Variants in CMYA5 observed in about 807,000 individuals in gnomAD.
The protein encoded by CMYA5 is cardiomyopathy-associated protein 5.
CMYA5 carries 246 observed loss-of-function variants against 318.9 expected under a neutral mutation model. That is an observed-to-expected ratio of 0.77 (90% CI 0.70 to 0.86). CMYA5 has a LOEUF of 0.86. Among genes scored for constraint, CMYA5 ranks in the 40% least tolerant of loss-of-function variants. The probability of loss-of-function intolerance (pLI) is 0.00; values close to 1 mark genes in which losing one functional copy is unlikely to be tolerated. For synonymous variants in CMYA5, 1,641 were observed against 1,729.5 expected (o/e 0.95, Z 1.27); for missense variants, 4,589 against 4,678.2 (o/e 0.98, Z 0.56).
chr5:79,708,700 G>A (rs1306692543), intron 1 of CMYA5, among the ~76,000 whole-genome samples: 1 of 151,936 alleles, frequency 6.6e-6, no homozygotes, highest in East Asian at 1.9e-4. Flanking sequence ...AGCCCTTTGG[G>A]CGGTTGAGGT....
chr5:79,693,761 G>C (rs1435769965), intron 1 of CMYA5, among the ~76,000 whole-genome samples: 1 of 152,222 alleles, frequency 6.6e-6, no homozygotes, highest in Non-Finnish European at 1.5e-5. Flanking sequence ...ATGTGCCAGA[G>C]ACTTCCTAGG....
rs1026383206 is a variant in CMYA5 at position 79,743,967 on chromosome 5, T to G, written c.10734+45T>G. The stretch of plus-strand genomic sequence containing the variant: ...TTACCTTAACCTGGCTTGTTCACAG[T>G]ATCAGAAGTAAATGATTCTGAGGTG... On this transcript the variant is annotated intron_variant, in intron 3 of 12. Coordinates refer to ENST00000446378, the MANE Select transcript of CMYA5 (RefSeq NM_153610.5). The G allele has an allele frequency of 2.6e-5, 25 of 957,780 alleles. No homozygotes were observed. In the East Asian group the frequency reaches 6.7e-4, roughly 26 times the overall value. 59.3% of individuals were successfully genotyped at this position (957,780 alleles called of 1,614,324 possible). A position where few individuals can be genotyped will look rare whatever the true frequency, so the allele number is the denominator to read the frequency against.
chr5:79,723,274 A>G (rs1450549423), intron 1 of CMYA5, among the ~76,000 whole-genome samples: 2 of 151,944 alleles, frequency 1.3e-5, no homozygotes, highest in Admixed American at 1.3e-4. Flanking sequence ...CCTCATCTCT[A>G]CTAAAAATAC....
Position 79,735,675 on chromosome 5 carries a change from A to G in CMYA5, c.6910A>G (p.Asn2304Asp). 1 of 1,611,412 alleles carries G rather than the reference A, an allele frequency of 6.2e-7. No individual in the cohort carries two copies. Among genetic ancestry groups the G allele is most frequent in the Non-Finnish European group, 8.5e-7 (1 of 1,179,276 alleles). The change falls in exon 2 of 13, where the codon AAC becomes GAC. Residue 2304 changes from asparagine (N) to aspartate (D), a missense_variant. Physicochemically the swap from Asn to Asp is conservative, Grantham distance 23 (BLOSUM62 1). This residue lies in a region of CMYA5 where 2,431 missense variants were observed against 2,495.1 expected (regional missense o/e 0.97). Transcript: ENST00000446378. ...ISGDSEEMNI[N>D]SVVTSADGEN... is the part of the protein sequence containing the mutation. ...AGGCGATTCAGAGGAAATGAACATA[A>G]ACTCAGTAGTTACTTCTGCTGATGG...
intron 1 of CMYA5, among the ~76,000 whole-genome samples, chr5:79,727,088 G>C (rs1827765322): frequency 6.6e-6 from 1 of 151,708 alleles, no homozygotes; most frequent in Admixed American, 6.6e-5. Flanking sequence ...GCTAATTTTT[G>C]TATTTTTCGT....
chr5:79,726,039 GA>G (rs1827741241), intron 1 of CMYA5, among the ~76,000 whole-genome samples: 1 of 152,240 alleles, frequency 6.6e-6, no homozygotes, highest in African/African-American at 2.4e-5. Flanking sequence ...TGAACTCAAT[GA>G]AAGTTTATTA....
At chr5:79,752,257 G>A (rs56698370) in intron 5 of CMYA5, among the ~76,000 whole-genome samples, 16,528 of 152,188 alleles carry the variant, frequency 0.11, 1,291 homozygotes, top group East Asian at 0.37. Context: ...AAGGACATCT[G>A]CAGTGTGTAA....
intron 4 of CMYA5, among the ~76,000 whole-genome samples, chr5:79,745,687 C>A (rs1828309639): frequency 2.0e-5 from 3 of 152,176 alleles, no homozygotes; most frequent in South Asian, 4.1e-4. Context: ...AAAGAGACAG[C>A]CTGCAGCATC....
intron 12 of CMYA5, among the ~76,000 whole-genome samples, chr5:79,795,094 G>A (rs1451127617): frequency 6.6e-6 from 1 of 152,142 alleles, no homozygotes; most frequent in Non-Finnish European, 1.5e-5. Context: ...GGCTCTAGAA[G>A]ACAAAATTAT....
chr5:79,745,140 A>C, intron 3 of CMYA5, 82 bp from the exon 4 acceptor site: 1 of 851,056 alleles, frequency 1.2e-6, no homozygotes, highest in Non-Finnish European at 1.8e-6. Context: ...AATTCTTTAA[A>C]AGGCTGGTGT....
intron 1 of CMYA5, among the ~76,000 whole-genome samples, chr5:79,720,687 C>T (rs561066821): frequency 1.2e-4 from 19 of 152,208 alleles, no homozygotes; most frequent in South Asian, 4.1e-4. Flanking sequence ...CTGCTGGCCT[C>T]GGCCTCCCAA....
chr5:79,736,378 G>A lies in CMYA5; in HGVS notation c.7613G>A (p.Gly2538Asp). Residue 2538 changes from glycine to aspartate, a missense_variant, in exon 2 of 13, where the codon GGT becomes GAT. Transcript: ENST00000446378. ...KIIVGSEKEK[G>D]EEKENQVYVL... is the part of the protein sequence containing the mutation. Reference sequence around the variant, plus strand: ...ATTGTTGGTTCTGAAAAGGAGAAAGGTGAAGAAAAAGAAAATCAGGTATAT... The same window carrying A: ...ATTGTTGGTTCTGAAAAGGAGAAAGATGAAGAAAAAGAAAATCAGGTATAT... The A allele has an allele frequency of 1.2e-6, 2 of 1,612,764 alleles. No homozygotes were observed. Among genetic ancestry groups the A allele is most frequent in the Admixed American group, 3.3e-5 (2 of 59,756 alleles).
intron 9 of CMYA5, among the ~76,000 whole-genome samples, chr5:79,778,913 ATTT>A (rs1402427063): frequency 1.1e-5 from 1 of 89,860 alleles, no homozygotes; most frequent in African/African-American, 4.3e-5. Context: ...TTTTTTTTTA[ATTT>A]TTTTTTTTTA....
In CMYA5 at chr5:79,745,306, G is replaced by T. The variant is rs201556819; in HGVS notation, c.10819G>T (p.Ala3607Ser). ...GGTTTTAGCACAGTATGATGAGAAA[G>T]CCCAGAGCTTTGAGGAAGTGAAGAA... ...KKVLAQYDEK[A>S]QSFEEVKKKK... The change falls in exon 4 of 13, where the codon GCC becomes TCC. Residue 3607 changes from alanine (A) to serine (S), a missense_variant. By Grantham distance (99) the Ala-to-Ser change is moderately conservative (BLOSUM62 1). Around this residue, in one of 3 missense-constraint regions of CMYA5, gnomAD observed 2,431 missense variants for 2,495.1 expected, o/e 0.97. Transcript: ENST00000446378. The T allele has an allele frequency of 5.1e-5, 83 of 1,613,776 alleles. 1 individual carries two copies. The East Asian group carries it at 1.7e-3, about 34-fold the overall frequency.
rs930419957 is a variant in CMYA5 at position 79,761,915 on chromosome 5, A to G, written c.11365A>G (p.Thr3789Ala). 1.5e-5 allele frequency: 24 copies of G among 1,613,784 alleles called. No individual in the cohort carries two copies. The highest frequency in any genetic ancestry group is 1.9e-5 in the Non-Finnish European group (23 of 1,179,812). The change falls in exon 8 of 13, where the codon ACT becomes GCT. Residue 3789 changes from threonine to alanine, a missense_variant. This residue lies in a region of CMYA5 where 2,431 missense variants were observed against 2,495.1 expected (regional missense o/e 0.97). Transcript: ENST00000446378. ...YQVWVMAVNF[T>A]GCSLPSERAI... ...AGTGTGGGTGATGGCTGTGAACTTCACTGGATGTAGCCTGCCCAGTGAAAG... is the reference window on the plus strand; with the variant it reads ...AGTGTGGGTGATGGCTGTGAACTTCGCTGGATGTAGCCTGCCCAGTGAAAG...
At position 79,799,505 on chromosome 5, in the gene CMYA5, C is replaced by A. The variant is rs1272207225; in HGVS notation, c.12099C>A (p.Ile4033=). 6.2e-7 allele frequency: 1 copy of A among 1,613,888 alleles called. No homozygotes were observed. Among genetic ancestry groups the A allele is most frequent in the East Asian group, 2.2e-5 (1 of 44,898 alleles). The part of the protein sequence containing the change: ...INAESEQLLF[I]IRHRFNEGVH... ...CAGAGAGCGAGCAGTTGCTCTTCATCATCAGGCACAGGTTTAATGAGGGTG... is the reference window on the plus strand; with the variant it reads ...CAGAGAGCGAGCAGTTGCTCTTCATAATCAGGCACAGGTTTAATGAGGGTG... Residue 4033 remains isoleucine (I), a synonymous_variant, in exon 13 of 13, where the codon ATC becomes ATA. Coordinates refer to ENST00000446378, the MANE Select transcript of CMYA5 (RefSeq NM_153610.5).
At chr5:79,763,431 G>C (rs1828694776) in intron 9 of CMYA5, 2 of 469,510 alleles carry the variant, frequency 4.3e-6, no homozygotes, top group African/African-American at 3.9e-5. Context: ...TCCCTTGTAA[G>C]AAAAATGTAT....
rs1828296902 is a variant in CMYA5 at position 79,745,264 on chromosome 5, G to A, written c.10777G>A (p.Glu3593Lys). The A allele has an allele frequency of 6.2e-7, 1 of 1,607,146 alleles. No homozygotes were observed. Among genetic ancestry groups the A allele is most frequent in the Non-Finnish European group, 8.5e-7 (1 of 1,176,450 alleles). The change falls in exon 4 of 13, where the codon GAG becomes AAG. Residue 3593 changes from glutamate to lysine, a missense_variant. Physicochemically the swap from Glu to Lys is moderately conservative, Grantham distance 56. Coordinates refer to ENST00000446378, the MANE Select transcript of CMYA5 (RefSeq NM_153610.5). ...KNEKRLEEQN[E>K]EMMKKVLAQY... ...TGAGAAAAGGCTAGAAGAACAGAAT[G>A]AGGAAATGATGAAGAAGGTTTTAGC...
intron 10 of CMYA5, among the ~76,000 whole-genome samples, 166 bp from the exon 11 acceptor site, chr5:79,790,804 C>G (rs2287676): frequency 0.01 from 1,535 of 152,188 alleles, 13 homozygotes; most frequent in Non-Finnish European, 0.018. Context: ...CCGGCATCCA[C>G]GAAGGCCTTA....
Sources: gnomAD v4.1 joint callset for allele counts (sites outside exome capture counted in the v4.1 genomes callset) on GRCh38, gnomAD v4.1.1 for gene constraint, gnomAD v4.1.1 regional missense constraint, MANE v1.5 for transcripts, NCBI Gene and HGNC (gene_info 2026-07-23, HGNC 2026-07-21) for gene names.